The following ERBIN variants were observed in gnomAD, a reference collection of about 807,000 sequenced individuals.
The protein encoded by ERBIN is densin-180-like protein.
ERBIN carries 60 observed loss-of-function variants against 158.4 expected under a neutral mutation model. That is an observed-to-expected ratio of 0.38 (90% CI 0.31 to 0.47). The LOEUF (loss-of-function observed/expected upper bound fraction) is 0.47. Ranked by LOEUF, ERBIN falls within the 20% of genes least tolerant of loss-of-function variation. The probability of loss-of-function intolerance (pLI) is 0.99; values close to 1 mark genes in which losing one functional copy is unlikely to be tolerated. For missense variants in ERBIN, 1,610 were observed against 1,648.0 expected (o/e 0.98, Z 0.40); for synonymous variants, 594 against 557.2 (o/e 1.07, Z -0.93).
Position 66,053,748 on chromosome 5 carries a change from A to G in ERBIN, c.2430A>G (p.Gly810=), listed in dbSNP as rs561572689. The stretch of plus-strand genomic sequence containing the variant: ...AGGAAACTGAGCACTTGGAAAATGG[A>G]AACAAGTATCCTAATTTGGAATCCG... The part of the protein sequence containing the change: ...SKEETEHLEN[G]NKYPNLESVN... The change falls in exon 21 of 26, where the codon GGA becomes GGG. Residue 810 remains glycine (G), a synonymous_variant. Transcript: ENST00000284037. The G allele has an allele frequency of 8.7e-6, 14 of 1,613,812 alleles. No homozygotes were observed. In the South Asian group the frequency reaches 9.9e-5, roughly 11 times the overall value.
chr5:66,012,561 A>C (rs1754316932), intron 5 of ERBIN, among the ~76,000 whole-genome samples: 1 of 152,208 alleles, frequency 6.6e-6, no homozygotes, highest in African/African-American at 2.4e-5. Flanking sequence ...AAAAAAGAAA[A>C]AACTATATGA....
intron 4 of ERBIN, among the ~76,000 whole-genome samples, chr5:65,997,949 A>C (rs1195716060): frequency 6.6e-6 from 1 of 150,446 alleles, no homozygotes; most frequent in Non-Finnish European, 1.5e-5. Flanking sequence ...CACACACACA[A>C]AGTTATGTTG....
intron 21 of ERBIN, among the ~76,000 whole-genome samples, chr5:66,055,838 A>G (rs1340760471): frequency 1.3e-5 from 2 of 152,206 alleles, no homozygotes; most frequent in African/African-American, 2.4e-5. Flanking sequence ...AATGCCTAAA[A>G]TATATTAGTA....
chr5:65,932,710 T>C (rs912560804), intron 1 of ERBIN, among the ~76,000 whole-genome samples: 1 of 152,230 alleles, frequency 6.6e-6, no homozygotes. Flanking sequence ...TTAAGCCCAC[T>C]TACTTGATTT....
At chr5:65,996,244 G>GTTTTT (rs34947686) in intron 4 of ERBIN, among the ~76,000 whole-genome samples, 5 of 101,162 alleles carry the variant, frequency 4.9e-5, no homozygotes, top group African/African-American at 1.9e-4. Context: ...TTTCCTAGTA[G>GTTTTT]TTTTTTTTTT....
At chr5:66,012,277 A>G in intron 5 of ERBIN, 150 bp downstream of exon 5, 1 of 561,336 alleles carries the variant, frequency 1.8e-6, no homozygotes, top group Admixed American at 3.1e-5. Context: ...AATCTTTTAA[A>G]TAATCATTCT....
At chr5:66,070,847 G>C (rs901239041) in intron 21 of ERBIN, among the ~76,000 whole-genome samples, 2 of 152,144 alleles carry the variant, frequency 1.3e-5, no homozygotes, top group Non-Finnish European at 1.5e-5. Context: ...GTATGCTGTA[G>C]TATGTCATAA....
intron 21 of ERBIN, among the ~76,000 whole-genome samples, chr5:66,070,605 CAT>C (rs1561455617): frequency 6.6e-6 from 1 of 152,002 alleles, no homozygotes; most frequent in Non-Finnish European, 1.5e-5. Context: ...AGTAGATAAA[CAT>C]AGTTATACAT....
chr5:65,947,907 T>A (rs898100148), intron 1 of ERBIN, among the ~76,000 whole-genome samples: 1 of 151,234 alleles, frequency 6.6e-6, no homozygotes, highest in Non-Finnish European at 1.5e-5. Context: ...CTCAGGAGGC[T>A]GAGGCAGGAG....
At chr5:66,076,441 A>G (rs1049497420) in intron 24 of ERBIN, 33 bp downstream of exon 24, 56 of 1,466,146 alleles carry the variant, frequency 3.8e-5, no homozygotes, top group Middle Eastern at 1.7e-4. Context: ...TGAAACACCT[A>G]TAAAGTTTTA....
intron 1 of ERBIN, among the ~76,000 whole-genome samples, chr5:65,943,458 A>G (rs1745321260): frequency 6.6e-6 from 1 of 152,222 alleles, no homozygotes; most frequent in Non-Finnish European, 1.5e-5. Context: ...CAATTTCTGG[A>G]AAACTGAAAT....
intron 1 of ERBIN, among the ~76,000 whole-genome samples, chr5:65,983,266 A>T (rs970996101): frequency 2.0e-5 from 3 of 152,192 alleles, no homozygotes; most frequent in African/African-American, 7.2e-5. Flanking sequence ...TCTAGTTATA[A>T]GTATGATCTA....
At chr5:66,069,260 A>G (rs1761316479) in intron 21 of ERBIN, among the ~76,000 whole-genome samples, 1 of 152,238 alleles carries the variant, frequency 6.6e-6, no homozygotes, top group South Asian at 2.1e-4. Flanking sequence ...AAAAAAGTGA[A>G]CAATAGGAAT....
rs532207033 is a variant in ERBIN at position 66,004,462 on chromosome 5, G to A, written c.308-7587G>A. On this transcript the variant is annotated intron_variant, in intron 4 of 25. Coordinates refer to ENST00000284037, the MANE Select transcript of ERBIN (RefSeq NM_001253697.2). ...CACCCAGGCTGCAGTACAGTGGTGC[G>A]ATCTCAGCGTACTGCAGTCTCCACC... 1.2e-3 allele frequency among the ~76,000 whole-genome samples: 181 copies of A among 152,222 alleles called. 1 individual carries two copies. The highest frequency in any genetic ancestry group is 4.3e-3 in the African/African-American group (180 of 41,540).
chr5:66,003,405 T>C (rs774717380), intron 4 of ERBIN, among the ~76,000 whole-genome samples: 1 of 152,132 alleles, frequency 6.6e-6, no homozygotes, highest in Non-Finnish European at 1.5e-5. Flanking sequence ...TGGGAAGGTT[T>C]CAGAAAATAA....
Position 65,974,330 on chromosome 5 carries a change from ACTT to A in ERBIN, c.-57-14301_-57-14299del, listed in dbSNP as rs538092872. Among the ~76,000 whole-genome samples the A allele has an allele frequency of 1.9e-3, 284 of 152,312 alleles. 3 individuals carry two copies. Among genetic ancestry groups the A allele is most frequent in the Admixed American group, 4.4e-3 (68 of 15,300 alleles). ...AATGCTATTAAACTTTGCGTCTAAG[ACTT>A]CTTATTTGTCCTGTGACCTTTGATT... On this transcript the variant is annotated intron_variant, in intron 1 of 25. Coordinates refer to ENST00000284037, the MANE Select transcript of ERBIN (RefSeq NM_001253697.2).
intron 14 of ERBIN, among the ~76,000 whole-genome samples, chr5:66,030,648 C>T (rs1756773471): frequency 6.8e-6 from 1 of 148,024 alleles, no homozygotes; most frequent in African/African-American, 2.5e-5. Context: ...CTGGAATCTT[C>T]ACCTCCTGGG....
chr5:66,052,722 G>A (rs1759170303), intron 20 of ERBIN, among the ~76,000 whole-genome samples: 1 of 152,132 alleles, frequency 6.6e-6, no homozygotes, highest in South Asian at 2.1e-4. Context: ...TAATATCACA[G>A]GTAGAAATAA....
intron 1 of ERBIN, among the ~76,000 whole-genome samples, chr5:65,955,171 C>T (rs930727979): frequency 6.6e-6 from 1 of 152,070 alleles, no homozygotes; most frequent in Non-Finnish European, 1.5e-5. Context: ...TAAAAAATGC[C>T]AACCATTTTT....
Sources: gnomAD v4.1 joint callset for allele counts (sites outside exome capture counted in the v4.1 genomes callset) on GRCh38, gnomAD v4.1.1 for gene constraint, MANE v1.5 for transcripts, NCBI Gene and HGNC (gene_info 2026-07-23, HGNC 2026-07-21) for gene names.